ATPAF2: variants seen among roughly 807,000 people sequenced by gnomAD.
ATPAF2 encodes the protein ATP12 homolog.
In ATPAF2, 30 loss-of-function variants were observed where a neutral mutation model predicts 36.6. That is an observed-to-expected ratio of 0.82 (90% CI 0.61 to 1.11). ATPAF2 has a LOEUF of 1.11. Ranked by LOEUF, ATPAF2 falls within the 50% of genes most tolerant of loss-of-function variation. The probability of loss-of-function intolerance (pLI) is 0.00; values close to 1 mark genes in which losing one functional copy is unlikely to be tolerated. For missense variants in ATPAF2, 321 were observed against 372.3 expected (o/e 0.86, Z 1.13); for synonymous variants, 140 against 152.6 (o/e 0.92, Z 0.61).
intron 5 of ATPAF2, among the ~76,000 whole-genome samples, chr17:18,023,086 G>A (rs898835984): frequency 1.4e-5 from 2 of 145,690 alleles, no homozygotes; most frequent in African/African-American, 2.6e-5. Flanking sequence ...CTGAGATCAC[G>A]CCACTGCACT....
Position 18,018,264 on chromosome 17 carries a change from T to A in ATPAF2, c.*285A>T. 1 of 478,074 alleles carries A rather than the reference T, an allele frequency of 2.1e-6. No homozygotes were observed. 29.6% of individuals were successfully genotyped at this position (478,074 alleles called of 1,614,324 possible). A position where few individuals can be genotyped will look rare whatever the true frequency, so the allele number is the denominator to read the frequency against. On this transcript the variant is annotated 3_prime_UTR_variant, in exon 8 of 8. Coordinates refer to ENST00000474627, the MANE Select transcript of ATPAF2 (RefSeq NM_145691.4). Reference sequence around the variant, plus strand: ...ACGTGAAAACAGGGCTCAGCACATTTCCAGGGTGGAGAAATATTTAATAAA... The same window carrying A: ...ACGTGAAAACAGGGCTCAGCACATTACCAGGGTGGAGAAATATTTAATAAA...
Position 18,026,314 on chromosome 17 carries a change from A to G in ATPAF2, c.422+5T>C. 1.2e-6 allele frequency: 2 copies of G among 1,613,222 alleles called. No individual in the cohort carries two copies. Among genetic ancestry groups the G allele is most frequent in the Non-Finnish European group, 1.7e-6 (2 of 1,179,122 alleles). On this transcript the variant is annotated splice_donor_5th_base_variant and intron_variant, in intron 4 of 7. Coordinates refer to ENST00000474627, the MANE Select transcript of ATPAF2 (RefSeq NM_145691.4). ...AAGGGGAATGCCCATCTAAATGTCC[A>G]TTACCAGATGGTGTCGGTGTCCAGA...
intron 4 of ATPAF2, chr17:18,025,048 A>G (rs1245788354): frequency 5.3e-6 from 2 of 376,920 alleles, no homozygotes; most frequent in African/African-American, 4.2e-5. Context: ...GACAGGTCCA[A>G]GCTTGCCACA....
chr17:18,038,054 T>C (rs900606016), intron 1 of ATPAF2, among the ~76,000 whole-genome samples: 4 of 152,238 alleles, frequency 2.6e-5, no homozygotes, highest in African/African-American at 7.2e-5. Context: ...AATCAGAATA[T>C]TATAACCTTT....
At position 18,028,631 on chromosome 17, in the gene ATPAF2, G is replaced by A; in HGVS notation, c.162C>T (p.Ser54=). ...TERKRFYQNV[S]ITQGEGGFEI... ...GACACTCACCTTCACCCTGTGTGATGCTGACATTCTGATAAAACCTCTTCC... is the reference window on the plus strand; with the variant it reads ...GACACTCACCTTCACCCTGTGTGATACTGACATTCTGATAAAACCTCTTCC... Residue 54 remains serine (S), a synonymous_variant, in exon 2 of 8, where the codon AGC becomes AGT. Coordinates refer to ENST00000474627, the MANE Select transcript of ATPAF2 (RefSeq NM_145691.4). 6.2e-7 allele frequency: 1 copy of A among 1,612,006 alleles called. No homozygotes were observed.
intron 1 of ATPAF2, among the ~76,000 whole-genome samples, chr17:18,038,308 G>GGAGGTGGAGGTGACTCCACAGTCA (rs1202848395): frequency 6.6e-6 from 1 of 152,236 alleles, no homozygotes. Context: ...CATCAGAGTT[G>GGAGGTGGAGGTGACTCCACAGTCA]GAGGTGGAGG....
intron 6 of ATPAF2, 72 bp downstream of exon 6, chr17:18,021,673 G>A (rs1014555865): frequency 2.3e-6 from 3 of 1,323,124 alleles, no homozygotes; most frequent in African/African-American, 2.9e-5. Flanking sequence ...CCTGGGGAGG[G>A]GCAAGTACAG....
intron 1 of ATPAF2, among the ~76,000 whole-genome samples, chr17:18,036,905 C>G (rs2044710567): frequency 6.6e-6 from 1 of 151,954 alleles, no homozygotes; most frequent in South Asian, 2.1e-4. Flanking sequence ...AACCCCATCT[C>G]TACTAAAAAT....
chr17:18,033,361 C>CA (rs200896637), intron 1 of ATPAF2, among the ~76,000 whole-genome samples: 3,508 of 64,276 alleles, frequency 0.055, 98 homozygotes, highest in African/African-American at 0.11. Context: ...GACTCTGTCT[C>CA]AAAAAAAAAA....
chr17:18,035,074 A>G (rs1020715123), intron 1 of ATPAF2, among the ~76,000 whole-genome samples: 1 of 151,800 alleles, frequency 6.6e-6, no homozygotes, highest in Non-Finnish European at 1.5e-5. Flanking sequence ...ACAAAGCACT[A>G]AAAAGCTAGC....
intron 1 of ATPAF2, among the ~76,000 whole-genome samples, chr17:18,036,883 C>G (rs1284433323): frequency 6.6e-6 from 1 of 151,776 alleles, no homozygotes; most frequent in East Asian, 2.0e-4. Flanking sequence ...ACCAGTGTGG[C>G]CAACATGGTG....
At chr17:18,016,708 C>T (rs757165872), downstream of ATPAF2, 2 of 1,378,554 alleles carry the variant, frequency 1.5e-6, no homozygotes, top group Admixed American at 1.7e-5. Flanking sequence ...CAAAACATAG[C>T]ACCAGCCCCA....
At chr17:18,022,892 G>A (rs1183555176) in intron 5 of ATPAF2, among the ~76,000 whole-genome samples, 10 of 152,034 alleles carry the variant, frequency 6.6e-5, no homozygotes, top group South Asian at 2.1e-4. Context: ...TTGGGAGGCC[G>A]AGGCGGGCGG....
Position 18,039,103 on chromosome 17 carries a change from G to C in ATPAF2, c.-90C>G, listed in dbSNP as rs113286105. 7.2e-6 allele frequency: 11 copies of C among 1,527,244 alleles called. No individual in the cohort carries two copies. The highest frequency in any genetic ancestry group is 9.7e-6 in the Non-Finnish European group (11 of 1,132,690). The allele number at this position is 1,527,244 out of a possible 1,614,324, so 94.6% of individuals were successfully genotyped here. On this transcript the variant is annotated 5_prime_UTR_variant, in exon 1 of 8. Transcript: ENST00000474627. The surrounding 1 kb of genome is among the most constrained non-coding windows in gnomAD (Gnocchi z 5.3). ...ATCCCCAAAGCCGCACGGTCGGGCT[G>C]TACGGAAACCTCTCAACGCCTCCTC...
In ATPAF2 at chr17:18,028,263, T is replaced by C; in HGVS notation, c.293A>G (p.Gln98Arg). The C allele has an allele frequency of 1.2e-6, 2 of 1,614,182 alleles. No homozygotes were observed. Among genetic ancestry groups the C allele is most frequent in the Non-Finnish European group, 1.7e-6 (2 of 1,180,032 alleles). The change falls in exon 3 of 8, where the codon CAG (glutamine) becomes CGG (arginine). Residue 98 changes from glutamine (Q) to arginine (R), a missense_variant. Around this residue, in one of 3 missense-constraint regions of ATPAF2, gnomAD observed 53 missense variants for 91.6 expected, o/e 0.58. Coordinates refer to ENST00000474627, the MANE Select transcript of ATPAF2 (RefSeq NM_145691.4). ...IAVATEWDSQ[Q>R]DTIKYYTMHL... ...CATGGTGTAGTACTTGATGGTATCC[T>C]GCTGGGAATCCCACTCAGTAGCCAC...
rs1341195136 is a variant in ATPAF2 at position 18,021,019 on chromosome 17, T to C, written c.732+104A>G. On this transcript the variant is annotated intron_variant, in intron 7 of 7. Transcript: ENST00000474627. ...GATTTCTGCGTGTACATAAAAGTAA[T>C]AAAAGCCAAGTATGCATAACTATAT... 3.4e-6 allele frequency: 5 copies of C among 1,488,696 alleles called. No individual in the cohort carries two copies. In the African/African-American group the frequency reaches 7.0e-5, roughly 21 times the overall value. The allele number at this position is 1,488,696 out of a possible 1,614,324, so 92.2% of individuals were successfully genotyped here.
rs1203145841 is a variant in ATPAF2 at position 18,018,696 on chromosome 17, G to A, written c.733-10C>T. 6 of 1,613,932 alleles carry A rather than the reference G, an allele frequency of 3.7e-6. No individual in the cohort carries two copies. Among genetic ancestry groups the A allele is most frequent in the Non-Finnish European group, 5.1e-6 (6 of 1,179,992 alleles). ...TGCCCCACTTCTGGATCTGAGGGAA[G>A]GACAAGACAAGTTGCTGGGTGAGTG... On this transcript the variant is annotated splice_polypyrimidine_tract_variant and intron_variant, in intron 7 of 7. Coordinates refer to ENST00000474627, the MANE Select transcript of ATPAF2 (RefSeq NM_145691.4).
downstream of ATPAF2, chr17:18,016,523 G>C: frequency 7.1e-7 from 1 of 1,415,120 alleles, no homozygotes; most frequent in Non-Finnish European, 1.0e-6. Context: ...CCAATGATCT[G>C]ATGTAAGGAA....
chr17:18,016,669 T>C (rs2044376841), downstream of ATPAF2: 2 of 1,599,016 alleles, frequency 1.3e-6, no homozygotes, highest in Admixed American at 1.7e-5. Flanking sequence ...CATCCTAGAC[T>C]AGATGAATGT....
Sources: allele counts gnomAD v4.1 joint callset (sites outside exome capture counted in the v4.1 genomes callset), GRCh38; gene constraint gnomAD v4.1.1; regional missense constraint gnomAD v4.1.1; non-coding constraint Gnocchi (gnomAD v3.1); transcripts MANE v1.5; gene names NCBI Gene and HGNC (gene_info 2026-07-23, HGNC 2026-07-21).